Variants in NUP205 observed in about 807,000 individuals in gnomAD.
The protein encoded by NUP205 is nuclear pore complex protein Nup205.
NUP205 carries 76 observed loss-of-function variants against 253.8 expected under a neutral mutation model. That is an observed-to-expected ratio of 0.30 (90% CI 0.25 to 0.36). NUP205 has a LOEUF of 0.36. Among genes scored for constraint, NUP205 ranks in the 10% least tolerant of loss-of-function variants. The probability of loss-of-function intolerance (pLI) is 1.00; values close to 1 mark genes in which losing one functional copy is unlikely to be tolerated. For missense variants in NUP205, 2,162 were observed against 2,425.5 expected (o/e 0.89, Z 2.28); for synonymous variants, 832 against 850.1 (o/e 0.98, Z 0.37).
chr7:135,591,452 T>G lies in NUP205; in HGVS notation c.1476T>G (p.Val492=). 6.2e-7 allele frequency: 1 copy of G among 1,613,676 alleles called. No homozygotes were observed. The highest frequency in any genetic ancestry group is 1.7e-5 in the Admixed American group (1 of 60,002). The change falls in exon 11 of 43, where the codon GTT becomes GTG. Residue 492 remains valine, a splice_region_variant and synonymous_variant. Coordinates refer to ENST00000285968, the MANE Select transcript of NUP205 (RefSeq NM_015135.3). ...CCATTTGTTTCTCTCTTTTTCAGGTTGTCTTGTCAAAGTTTGTTAGGCAAA... is the reference window on the plus strand; with the variant it reads ...CCATTTGTTTCTCTCTTTTTCAGGTGGTCTTGTCAAAGTTTGTTAGGCAAA... ...VAHQRPPQRQ[V]VLSKFVRQMG... is the part of the protein sequence containing the mutation.
chr7:135,606,171 AT>A lies in NUP205; in HGVS notation c.2853del (p.Phe951LeufsTer26). ...GTATAAGTCAGAAACTAATGGCTGG[AT>A]TTGTGGAGTGTTTGGATTGTGAAGA... ...QSISQKLMAG[F>X]VECLDCEDAE... is the part of the protein sequence containing the mutation. On this transcript the variant is annotated frameshift_variant, in exon 20 of 43. Coordinates refer to ENST00000285968, the MANE Select transcript of NUP205 (RefSeq NM_015135.3). LOFTEE classifies it high-confidence loss of function. 6.2e-7 allele frequency: 1 copy of A among 1,612,770 alleles called. No individual in the cohort carries two copies. The highest frequency in any genetic ancestry group is 8.5e-7 in the Non-Finnish European group (1 of 1,179,124).
chr7:135,593,261 ATTTTC>A (rs1806680143), intron 12 of NUP205, 69 bp downstream of exon 12: 2 of 1,326,894 alleles, frequency 1.5e-6, no homozygotes, highest in East Asian at 4.6e-5. Context: ...AGCCCCAAAC[ATTTTC>A]TTTTAATTTA....
intron 18 of NUP205, among the ~76,000 whole-genome samples, chr7:135,603,576 C>G (rs1013874626): frequency 1.3e-5 from 2 of 151,008 alleles, no homozygotes; most frequent in African/African-American, 4.9e-5. Context: ...GTGGTACAAT[C>G]TTGGCTCACT....
At chr7:135,567,128 G>GACA (rs1805791175) in intron 1 of NUP205, among the ~76,000 whole-genome samples, 5 of 7,242 alleles carry the variant, frequency 6.9e-4, no homozygotes, top group Non-Finnish European at 1.0e-3. Context: ...GTCTATGTGT[G>GACA]TATATATATA....
intron 1 of NUP205, 182 bp downstream of exon 1, chr7:135,558,154 C>A: frequency 1.6e-6 from 1 of 642,904 alleles, no homozygotes. Flanking sequence ...GGTGCTGCGG[C>A]TCCAGCCCTC....
chr7:135,576,455 T>C (rs1204650327), intron 4 of NUP205, 41 bp downstream of exon 4: 1 of 1,559,686 alleles, frequency 6.4e-7, no homozygotes, highest in Non-Finnish European at 8.8e-7. Context: ...AATTTGAAAT[T>C]ACTTGAAGTA....
intron 18 of NUP205, among the ~76,000 whole-genome samples, chr7:135,603,682 G>A (rs1302401636): frequency 6.6e-6 from 1 of 151,528 alleles, no homozygotes; most frequent in African/African-American, 2.4e-5. Flanking sequence ...GCTAATTTTT[G>A]TATTTTTAGT....
Position 135,615,969 on chromosome 7 carries a change from A to T in NUP205, c.3364A>T (p.Ile1122Leu), listed in dbSNP as rs138374976. The T allele has an allele frequency of 3.7e-6, 6 of 1,613,720 alleles. No individual in the cohort carries two copies. The highest frequency in any genetic ancestry group is 5.1e-6 in the Non-Finnish European group (6 of 1,179,682). Residue 1122 changes from isoleucine to leucine, a missense_variant, in exon 24 of 43, where the codon ATA (isoleucine) becomes TTA (leucine). Around this residue, in one of 5 missense-constraint regions of NUP205, gnomAD observed 1,144 missense variants for 1,280.9 expected, o/e 0.89. Transcript: ENST00000285968. ...GTCATGGCTTATGAAAACTGCCTCA[A>T]TAGAGCTAAGGGTAACCTCTCTGAA... ...QMSWLMKTAS[I>L]ELRVTSLNRQ...
chr7:135,615,058 TTTTG>T (rs1794327159), intron 23 of NUP205, among the ~76,000 whole-genome samples: 1 of 152,196 alleles, frequency 6.6e-6, no homozygotes, highest in African/African-American at 2.4e-5. Context: ...AGTTCTGGGA[TTTTG>T]TTTAAGAAGC....
rs1462461802 is a variant in NUP205, at chr7:135,598,088, T to C, written c.2155T>C (p.Phe719Leu). The change falls in exon 15 of 43, where the codon TTT becomes CTT. Residue 719 changes from phenylalanine (F) to leucine (L), a missense_variant. By Grantham distance (22) the Phe-to-Leu change is conservative. This residue lies in a region of NUP205 where 892 missense variants were observed against 957.1 expected (regional missense o/e 0.93). Transcript: ENST00000285968. The part of the protein sequence containing the change: ...QLISTLVESS[F>L]PSNLGAGLRP... ...TATTAGTACTCTGGTGGAGAGCTCA[T>C]TTCCTTCTAATTTGGGTGCTGGACT... 3 of 1,614,126 alleles carry C rather than the reference T, an allele frequency of 1.9e-6. No individual in the cohort carries two copies. The highest frequency in any genetic ancestry group is 1.3e-5 in the African/African-American group (1 of 75,052).
chr7:135,619,911 T>G, intron 30 of NUP205, 23 bp downstream of exon 30: 1 of 1,455,476 alleles, frequency 6.9e-7, no homozygotes, highest in Non-Finnish European at 9.6e-7. Context: ...CAATTCCTAA[T>G]CTTTTCTGGA....
chr7:135,638,462 T>C, intron 37 of NUP205, 95 bp from the exon 38 acceptor site: 5 of 1,115,978 alleles, frequency 4.5e-6, no homozygotes, highest in Non-Finnish European at 6.5e-6. Context: ...ATTTTACAAA[T>C]TGATTGATAA....
In NUP205 at chr7:135,625,265, C is replaced by T; in HGVS notation, c.4581C>T (p.Asp1527=). ...GTGGCTACTTGAAGGTCCTCGTAGACAGCTTGGTAGAAGATGACCGTACTT... is the reference window on the plus strand; with the variant it reads ...GTGGCTACTTGAAGGTCCTCGTAGATAGCTTGGTAGAAGATGACCGTACTT... ...SNSGYLKVLV[D]SLVEDDRTLQ... The change falls in exon 32 of 43, where the codon GAC becomes GAT. Residue 1527 remains aspartate (D), a synonymous_variant. Coordinates refer to ENST00000285968, the MANE Select transcript of NUP205 (RefSeq NM_015135.3). The T allele has an allele frequency of 6.2e-7, 1 of 1,614,164 alleles. No individual in the cohort carries two copies. The highest frequency in any genetic ancestry group is 1.1e-5 in the South Asian group (1 of 91,084).
chr7:135,638,768 C>T lies in NUP205; in HGVS notation c.5392+85C>T, dbSNP rs1039544618. 5.8e-6 allele frequency: 8 copies of T among 1,391,024 alleles called. No individual in the cohort carries two copies. The Admixed American group carries it at 1.3e-4, about 23-fold the overall frequency. 86.2% of individuals were successfully genotyped at this position (1,391,024 alleles called of 1,614,324 possible). On this transcript the variant is annotated intron_variant, in intron 38 of 42. Coordinates refer to ENST00000285968, the MANE Select transcript of NUP205 (RefSeq NM_015135.3). ...TCTCCAGCTTGGCTCCAGTAAGATGCAGTATTTTCTTTTAAGTGTCATTAA... is the reference window on the plus strand; with the variant it reads ...TCTCCAGCTTGGCTCCAGTAAGATGTAGTATTTTCTTTTAAGTGTCATTAA...
intron 38 of NUP205, among the ~76,000 whole-genome samples, chr7:135,641,192 G>A (rs894487902): frequency 1.3e-5 from 2 of 152,218 alleles, no homozygotes; most frequent in Non-Finnish European, 2.9e-5. Flanking sequence ...GGGCAAGTTA[G>A]TATGGTAAGA....
chr7:135,631,705 T>G (rs1219238743), intron 35 of NUP205, among the ~76,000 whole-genome samples: 4 of 151,984 alleles, frequency 2.6e-5, no homozygotes, highest in Non-Finnish European at 5.9e-5. Context: ...TCACGAGTTC[T>G]TTCTTTTGAT....
chr7:135,592,112 A>G (rs1019773164), intron 11 of NUP205, among the ~76,000 whole-genome samples: 1 of 152,182 alleles, frequency 6.6e-6, no homozygotes, highest in African/African-American at 2.4e-5. Context: ...TGAGGTTTAG[A>G]GAAGTTAAGG....
chr7:135,607,135 AG>A (rs2129490730), intron 21 of NUP205, 111 bp from the exon 22 acceptor site: 3 of 1,329,204 alleles, frequency 2.3e-6, no homozygotes, highest in South Asian at 2.9e-5. Flanking sequence ...TATTTGAAAG[AG>A]TGTTTACAGT....
intron 32 of NUP205, among the ~76,000 whole-genome samples, chr7:135,625,838 A>C (rs902383744): frequency 1.3e-5 from 2 of 152,222 alleles, no homozygotes; most frequent in African/African-American, 2.4e-5. Flanking sequence ...CTGAAATTTT[A>C]GATTCTTCAT....
Sources: gnomAD v4.1 joint callset for allele counts (sites outside exome capture counted in the v4.1 genomes callset) on GRCh38, gnomAD v4.1.1 for gene constraint, gnomAD v4.1.1 regional missense constraint, MANE v1.5 for transcripts, NCBI Gene and HGNC (gene_info 2026-07-23, HGNC 2026-07-21) for gene names.